Variants in C8A observed in about 807,000 individuals in gnomAD.
C8A encodes complement component C8 alpha chain.
In C8A, 67 loss-of-function variants were observed where a neutral mutation model predicts 65.3. The observed-to-expected ratio is 1.03, with a 90% CI of 0.84 to 1.26. C8A has a LOEUF of 1.26. C8A is among the 50% of genes most tolerant of loss of function. C8A has a pLI of 0.00. For synonymous variants in C8A, 290 were observed against 259.4 expected (o/e 1.12, Z -1.13); for missense variants, 781 against 723.9 (o/e 1.08, Z -0.90).
At chr1:56,900,918 G>A (rs1644421876) in intron 7 of C8A, among the ~76,000 whole-genome samples, 1 of 152,176 alleles carries the variant, frequency 6.6e-6, no homozygotes, top group African/African-American at 2.4e-5. Context: ...GAGAAGCACA[G>A]GGATACACTG....
At chr1:56,876,962 T>C (rs547513956) in intron 4 of C8A, among the ~76,000 whole-genome samples, 13 of 152,150 alleles carry the variant, frequency 8.5e-5, no homozygotes, top group Non-Finnish European at 1.9e-4. Flanking sequence ...TGTGACTGAA[T>C]TAGGAAATAG....
intron 6 of C8A, among the ~76,000 whole-genome samples, chr1:56,884,731 A>G (rs1029561350): frequency 2.0e-5 from 3 of 152,080 alleles, no homozygotes; most frequent in African/African-American, 7.2e-5. Flanking sequence ...TGTAAAACCA[A>G]TCCAAAATTC....
At chr1:56,889,459 G>C (rs191165684) in intron 7 of C8A, among the ~76,000 whole-genome samples, 96 of 152,158 alleles carry the variant, frequency 6.3e-4, no homozygotes, top group African/African-American at 2.1e-3. Context: ...CAATCTAATA[G>C]CTTTCTCTCT....
intron 10 of C8A, among the ~76,000 whole-genome samples, chr1:56,916,596 C>G (rs952409347): frequency 7.9e-5 from 12 of 152,148 alleles, no homozygotes; most frequent in Non-Finnish European, 1.8e-4. Context: ...CCTGGGGTCT[C>G]AGAGCTGCCC....
intron 9 of C8A, among the ~76,000 whole-genome samples, chr1:56,911,148 T>A (rs1644502749): frequency 6.6e-6 from 1 of 151,660 alleles, no homozygotes. Context: ...TGTACAGTAG[T>A]ATCTCACATT....
At chr1:56,913,603 C>A (rs892072979) in intron 10 of C8A, among the ~76,000 whole-genome samples, 1 of 152,132 alleles carries the variant, frequency 6.6e-6, no homozygotes, top group Non-Finnish European at 1.5e-5. Flanking sequence ...CCCTTTTAGC[C>A]CCAAGAGTAT....
In C8A at chr1:56,868,372, G is replaced by T. The variant is rs957854715; in HGVS notation, c.171+670G>T. Among the ~76,000 whole-genome samples the T allele has an allele frequency of 4.0e-5, 6 of 151,492 alleles. No individual in the cohort carries two copies. The South Asian group carries it at 1.1e-3, about 27-fold the overall frequency. ...ACCTGTAATCCAAGCACTTTGGGAG[G>T]CTGAGGCAAGAGGATTACTTGAGCC... is the stretch of plus-strand genomic sequence containing the variant. On this transcript the variant is annotated intron_variant, in intron 2 of 10. Transcript: ENST00000361249.
intron 5 of C8A, 53 bp downstream of exon 5, chr1:56,881,687 G>A (rs1644249976): frequency 1.3e-6 from 2 of 1,515,290 alleles, no homozygotes; most frequent in South Asian, 1.1e-5. Flanking sequence ...TGGCAGAGAG[G>A]CAGAGGCCTA....
chr1:56,901,062 T>C (rs1644423041), intron 7 of C8A, among the ~76,000 whole-genome samples: 1 of 152,090 alleles, frequency 6.6e-6, no homozygotes, highest in Non-Finnish European at 1.5e-5. Flanking sequence ...TCTCAGGTGT[T>C]TTGGAAGAAG....
At chr1:56,892,363 G>A (rs2101264071) in intron 7 of C8A, among the ~76,000 whole-genome samples, 1 of 152,244 alleles carries the variant, frequency 6.6e-6, no homozygotes, top group South Asian at 2.1e-4. Flanking sequence ...GATCCTGTGA[G>A]GGAGGCATGG....
At chr1:56,899,453 A>C (rs1262163754) in intron 7 of C8A, among the ~76,000 whole-genome samples, 1 of 152,106 alleles carries the variant, frequency 6.6e-6, no homozygotes, top group Non-Finnish European at 1.5e-5. Flanking sequence ...AAACTATTTC[A>C]ACCTACTCCT....
intron 7 of C8A, among the ~76,000 whole-genome samples, chr1:56,900,704 C>T (rs552276957): frequency 6.6e-6 from 1 of 152,264 alleles, no homozygotes; most frequent in Non-Finnish European, 1.5e-5. Context: ...TAAAGAAAGA[C>T]CTATGACTCC....
chr1:56,881,730 T>C (rs1644250336), intron 5 of C8A, 96 bp downstream of exon 5: 5 of 1,225,364 alleles, frequency 4.1e-6, no homozygotes, highest in Non-Finnish European at 6.0e-6. Context: ...GAAGCTTTTG[T>C]TTTCTATAAA....
chr1:56,863,656 C>T (rs1570313732), intron 1 of C8A, among the ~76,000 whole-genome samples: 1 of 152,278 alleles, frequency 6.6e-6, no homozygotes, highest in Non-Finnish European at 1.5e-5. Context: ...CCACTTCAAA[C>T]TTTTATTATT....
At chr1:56,871,897 T>C (rs1644149836) in intron 2 of C8A, among the ~76,000 whole-genome samples, 1 of 152,142 alleles carries the variant, frequency 6.6e-6, no homozygotes, top group Non-Finnish European at 1.5e-5. Flanking sequence ...TGTTATTTGT[T>C]TGGAGAAGCT....
At chr1:56,863,865 C>G (rs555267113) in intron 1 of C8A, among the ~76,000 whole-genome samples, 2 of 138,568 alleles carry the variant, frequency 1.4e-5, no homozygotes, top group African/African-American at 2.6e-5. Context: ...CACCCTCTCT[C>G]CCTCCCTCCC....
chr1:56,901,362 G>C (rs1246252108), intron 7 of C8A, among the ~76,000 whole-genome samples: 2 of 152,132 alleles, frequency 1.3e-5, no homozygotes, highest in African/African-American at 4.8e-5. Context: ...TGACAGACTT[G>C]CAGTGTTCTG....
At chr1:56,870,152 G>C (rs1417633701) in intron 2 of C8A, among the ~76,000 whole-genome samples, 4 of 152,004 alleles carry the variant, frequency 2.6e-5, no homozygotes, top group South Asian at 2.1e-4. Context: ...CCACAAACTT[G>C]GTGGCTTAAA....
chr1:56,878,997 C>A (rs1457355491), intron 4 of C8A, among the ~76,000 whole-genome samples: 1 of 152,118 alleles, frequency 6.6e-6, no homozygotes, highest in Non-Finnish European at 1.5e-5. Context: ...TTTTAATAAG[C>A]AGCATATTCT....
Sources: gnomAD v4.1 joint callset for allele counts (sites outside exome capture counted in the v4.1 genomes callset) on GRCh38, gnomAD v4.1.1 for gene constraint, MANE v1.5 for transcripts, NCBI Gene and HGNC (gene_info 2026-07-23, HGNC 2026-07-21) for gene names.